The following HDX variants were observed in gnomAD, a reference collection of about 807,000 sequenced individuals.
HDX encodes highly divergent homeobox, also known as chromosome X open reading frame 43.
In HDX, 19 loss-of-function variants were observed where a neutral mutation model predicts 45.2. The ratio of observed to expected loss-of-function variants is 0.42; its 90% CI spans 0.29 to 0.62. The LOEUF is 0.62. Ranked by LOEUF, HDX falls within the 20% of genes least tolerant of loss-of-function variation. The pLI is 0.20. For synonymous variants in HDX, 188 were observed against 172.8 expected, an observed-to-expected ratio of 1.09 and a Z score of -0.69; for missense variants, 532 against 493.9, an observed-to-expected ratio of 1.08 and a Z score of -0.73.
At chrX:84,403,715 T>G (rs1289354694) in intron 5 of HDX, among the ~76,000 whole-genome samples, 2 of 112,146 alleles carry the variant, frequency 1.8e-5, no homozygotes. Context: ...TCAAAAATTA[T>G]GTACAATGTC....
intron 5 of HDX, among the ~76,000 whole-genome samples, chrX:84,403,472 G>C (rs1013874383): frequency 9.0e-6 from 1 of 111,232 alleles, no homozygotes; most frequent in African/African-American, 3.3e-5. Context: ...TGACAACAAG[G>C]AATCAGTGCC....
intron 5 of HDX, among the ~76,000 whole-genome samples, chrX:84,419,513 C>T (rs2039198117): frequency 9.0e-6 from 1 of 111,006 alleles, no homozygotes; most frequent in African/African-American, 3.3e-5. Context: ...ATCTCAGCTC[C>T]AGTACAAGGA....
At chrX:84,431,366 AAAT>A (rs1276842816) in intron 5 of HDX, among the ~76,000 whole-genome samples, 1 of 110,913 alleles carries the variant, frequency 9.0e-6, no homozygotes, top group Non-Finnish European at 1.9e-5. Context: ...GGTATATACT[AAAT>A]AATGAGATTG....
At chrX:84,409,783 T>A (rs1420746918) in intron 5 of HDX, among the ~76,000 whole-genome samples, 1 of 104,097 alleles carries the variant, frequency 9.6e-6, no homozygotes, top group African/African-American at 3.5e-5. Flanking sequence ...AATGACGAGT[T>A]AATGGGTGCA....
intron 5 of HDX, among the ~76,000 whole-genome samples, chrX:84,407,830 C>T (rs935651322): frequency 1.8e-5 from 2 of 111,470 alleles, no homozygotes; most frequent in Non-Finnish European, 3.8e-5. Context: ...TTGTTGGCCG[C>T]GTGTCTGTAT....
intron 5 of HDX, among the ~76,000 whole-genome samples, chrX:84,368,810 C>T (rs190859945): frequency 9.7e-4 from 107 of 110,797 alleles, no homozygotes; most frequent in African/African-American, 3.3e-3. Context: ...GTGGGGTTAC[C>T]GGGGAGGAGG....
intron 4 of HDX, among the ~76,000 whole-genome samples, chrX:84,460,372 T>TA (rs1225630616): frequency 8.9e-6 from 1 of 112,041 alleles, no homozygotes; most frequent in Non-Finnish European, 1.9e-5. Context: ...TGCAGAAACT[T>TA]AAAGATGGTT....
chrX:84,471,355 G>C (rs1280845839), intron 3 of HDX, among the ~76,000 whole-genome samples: 1 of 107,195 alleles, frequency 9.3e-6, no homozygotes, highest in Non-Finnish European at 1.9e-5. Context: ...AAAGTATAAA[G>C]GATCTCTAAT....
At chrX:84,381,640 G>C (rs763093103) in intron 5 of HDX, among the ~76,000 whole-genome samples, 1 of 111,620 alleles carries the variant, frequency 9.0e-6, no homozygotes, top group South Asian at 3.7e-4. Flanking sequence ...GGGAAAACTG[G>C]ATATTCATAT....
At chrX:84,336,225 T>C (rs927623893) in intron 8 of HDX, among the ~76,000 whole-genome samples, 1 of 111,279 alleles carries the variant, frequency 9.0e-6, no homozygotes, top group Non-Finnish European at 1.9e-5. Flanking sequence ...CAAAACCCAG[T>C]TTACTCCACA....
intron 1 of HDX, among the ~76,000 whole-genome samples, chrX:84,491,905 G>A (rs1206728630): frequency 9.0e-6 from 1 of 111,360 alleles, no homozygotes; most frequent in Non-Finnish European, 1.9e-5. Context: ...CTTTATTGTG[G>A]TTCTTTCTCT....
intron 5 of HDX, among the ~76,000 whole-genome samples, chrX:84,411,537 T>C (rs953141525): frequency 9.0e-6 from 1 of 111,499 alleles, no homozygotes; most frequent in Non-Finnish European, 1.9e-5. Context: ...GATCCTAGAG[T>C]GTGATTTTGA....
At chrX:84,458,918 T>C (rs1221660339) in intron 4 of HDX, among the ~76,000 whole-genome samples, 1 of 112,165 alleles carries the variant, frequency 8.9e-6, no homozygotes, top group African/African-American at 3.2e-5. Flanking sequence ...AATCTTATGT[T>C]GGATTATTTC....
chrX:84,469,989 T>G (rs1478834391), intron 3 of HDX, among the ~76,000 whole-genome samples: 1 of 112,005 alleles, frequency 8.9e-6, no homozygotes, highest in Non-Finnish European at 1.9e-5. Context: ...AAAAACATAC[T>G]AAAGGTAGGC....
intron 5 of HDX, among the ~76,000 whole-genome samples, chrX:84,412,101 C>T (rs1259460819): frequency 9.0e-6 from 1 of 111,327 alleles, no homozygotes; most frequent in Non-Finnish European, 1.9e-5. Flanking sequence ...ACAGTTGAGT[C>T]TTGCATTTTT....
intron 5 of HDX, among the ~76,000 whole-genome samples, chrX:84,370,067 A>T (rs1334057233): frequency 4.5e-5 from 5 of 111,910 alleles, no homozygotes; most frequent in African/African-American, 1.6e-4. Context: ...TGCCCTTCCT[A>T]ATGTGAATGG....
At chrX:84,481,099 G>T (rs1268522024) in intron 2 of HDX, among the ~76,000 whole-genome samples, 1 of 111,190 alleles carries the variant, frequency 9.0e-6, no homozygotes, top group Admixed American at 9.6e-5. Flanking sequence ...CATCTAAGTT[G>T]TTGAACTCAA....
At chrX:84,375,751 G>A (rs1179536808) in intron 5 of HDX, among the ~76,000 whole-genome samples, 9 of 108,645 alleles carry the variant, frequency 8.3e-5, no homozygotes, top group Admixed American at 6.9e-4. Context: ...TTGTGGGGTG[G>A]GGGGAGTGGG....
At chrX:84,437,950 C>T (rs1477258702) in intron 5 of HDX, among the ~76,000 whole-genome samples, 19 of 111,151 alleles carry the variant, frequency 1.7e-4, no homozygotes, top group Non-Finnish European at 2.8e-4. Flanking sequence ...GAGTAGCTCT[C>T]CTGACTGCTT....
Sources: gnomAD v4.1 joint callset for allele counts (sites outside exome capture counted in the v4.1 genomes callset) on GRCh38, gnomAD v4.1.1 for gene constraint, MANE v1.5 for transcripts, NCBI Gene and HGNC (gene_info 2026-07-23, HGNC 2026-07-21) for gene names.